The following SEMA5A variants were observed in gnomAD, a reference collection of about 807,000 sequenced individuals.
SEMA5A encodes semaphorin 5A.
In SEMA5A, 55 loss-of-function variants were observed where a neutral mutation model predicts 135.5. That is an observed-to-expected ratio of 0.41 (90% CI 0.33 to 0.51). The LOEUF is 0.51. SEMA5A is among the 20% of genes least tolerant of loss of function. The pLI is 0.37. For synonymous variants in SEMA5A, 580 were observed against 546.5 expected (o/e 1.06, Z -0.85); for missense variants, 1,290 against 1,419.9 (o/e 0.91, Z 1.47).
At chr5:9,391,895 A>T (rs1479219923) in intron 2 of SEMA5A, among the ~76,000 whole-genome samples, 1 of 151,476 alleles carries the variant, frequency 6.6e-6, no homozygotes, top group Non-Finnish European at 1.5e-5. Flanking sequence ...CCACCAACAA[A>T]CCCTCCTCCA....
chr5:9,351,280 G>T (rs1209499011), intron 3 of SEMA5A, among the ~76,000 whole-genome samples: 1 of 152,072 alleles, frequency 6.6e-6, no homozygotes, highest in Non-Finnish European at 1.5e-5. Context: ...TCATGATCCA[G>T]TTCCCTCCAA....
At chr5:9,155,262 T>C (rs1049313709) in intron 11 of SEMA5A, among the ~76,000 whole-genome samples, 1 of 152,154 alleles carries the variant, frequency 6.6e-6, no homozygotes, top group Non-Finnish European at 1.5e-5. Context: ...GATGATTTTC[T>C]TGGGCTCAAC....
chr5:9,127,531 T>C (rs1358821865), intron 13 of SEMA5A, among the ~76,000 whole-genome samples: 1 of 152,236 alleles, frequency 6.6e-6, no homozygotes, highest in Non-Finnish European at 1.5e-5. Context: ...TTTCTCTCTG[T>C]AAGTTCCCAA....
At chr5:9,309,298 G>A (rs1752015279) in intron 5 of SEMA5A, among the ~76,000 whole-genome samples, 1 of 152,118 alleles carries the variant, frequency 6.6e-6, no homozygotes, top group African/African-American at 2.4e-5. Flanking sequence ...TGGCGGGGTG[G>A]GATGAGGGTA....
intron 16 of SEMA5A, among the ~76,000 whole-genome samples, chr5:9,093,523 A>G (rs1172008509): frequency 6.6e-6 from 1 of 151,972 alleles, no homozygotes; most frequent in Non-Finnish European, 1.5e-5. Flanking sequence ...CCTGACGAAT[A>G]TGGTGAAACC....
At chr5:9,443,973 C>T (rs1031127907) in intron 1 of SEMA5A, among the ~76,000 whole-genome samples, 5 of 152,230 alleles carry the variant, frequency 3.3e-5, no homozygotes, top group African/African-American at 4.8e-5. Context: ...CATACCCCAC[C>T]CCTTCTCTCC....
chr5:9,304,162 T>G (rs912487244), intron 5 of SEMA5A, among the ~76,000 whole-genome samples: 2 of 152,170 alleles, frequency 1.3e-5, no homozygotes, highest in African/African-American at 4.8e-5. Flanking sequence ...TGTTTTCTCT[T>G]GTATACCTAT....
At position 9,084,576 on chromosome 5, in the gene SEMA5A, T is replaced by C. The variant is rs146666437; in HGVS notation, c.2074-17930A>G. 8.9e-3 allele frequency among the ~76,000 whole-genome samples: 1,355 copies of C among 152,330 alleles called. 11 individuals carry two copies. The highest frequency in any genetic ancestry group is 0.015 in the Non-Finnish European group (995 of 68,032). ...GCATGAGCCCTCTTCTCTTGTCTCC[T>C]GCCATGTGAGATATGCCTTTCACAT... is the stretch of plus-strand genomic sequence containing the variant. On this transcript the variant is annotated intron_variant, in intron 16 of 22. Coordinates refer to ENST00000382496, the MANE Select transcript of SEMA5A (RefSeq NM_003966.3).
intron 1 of SEMA5A, among the ~76,000 whole-genome samples, chr5:9,535,814 C>A (rs1365332945): frequency 6.6e-6 from 1 of 152,156 alleles, no homozygotes; most frequent in Non-Finnish European, 1.5e-5. Context: ...TACTGCCCTG[C>A]GGCAAGCCAG....
At chr5:9,422,327 G>A (rs1405600643) in intron 2 of SEMA5A, 1 of 152,086 alleles carries the variant, frequency 6.6e-6, no homozygotes, top group Non-Finnish European at 1.5e-5. Flanking sequence ...AGCTATAATT[G>A]TTACTCTCTG....
At chr5:9,482,950 A>C (rs1420738691) in intron 1 of SEMA5A, among the ~76,000 whole-genome samples, 2 of 152,396 alleles carry the variant, frequency 1.3e-5, no homozygotes, top group South Asian at 4.1e-4. Flanking sequence ...TTAGGAATTT[A>C]AAAATTCATG....
At chr5:9,270,691 T>C (rs1471477748) in intron 5 of SEMA5A, among the ~76,000 whole-genome samples, 1 of 151,916 alleles carries the variant, frequency 6.6e-6, no homozygotes, top group Non-Finnish European at 1.5e-5. Context: ...TACTCTGATG[T>C]TGGGGCAGCG....
At chr5:9,493,750 A>G (rs1735156625) in intron 1 of SEMA5A, among the ~76,000 whole-genome samples, 1 of 152,222 alleles carries the variant, frequency 6.6e-6, no homozygotes, top group Non-Finnish European at 1.5e-5. Context: ...GAAAATAAAT[A>G]TGATTTCTTT....
At chr5:9,152,206 C>A (rs180749379) in intron 12 of SEMA5A, among the ~76,000 whole-genome samples, 1 of 152,190 alleles carries the variant, frequency 6.6e-6, no homozygotes, top group African/African-American at 2.4e-5. Flanking sequence ...CACAGGCCTG[C>A]GGCTTCCTGT....
intron 5 of SEMA5A, among the ~76,000 whole-genome samples, chr5:9,276,826 C>T (rs1212167735): frequency 1.3e-5 from 2 of 152,010 alleles, no homozygotes; most frequent in Non-Finnish European, 2.9e-5. Flanking sequence ...ATATATTAAA[C>T]ACTTAAACAT....
chr5:9,417,927 T>G (rs1757334744), intron 2 of SEMA5A, among the ~76,000 whole-genome samples: 1 of 151,702 alleles, frequency 6.6e-6, no homozygotes, highest in Non-Finnish European at 1.5e-5. Flanking sequence ...TCACCTTTTG[T>G]ATCCTCACAT....
intron 1 of SEMA5A, among the ~76,000 whole-genome samples, chr5:9,470,280 T>C (rs1419110276): frequency 6.6e-6 from 1 of 152,216 alleles, no homozygotes; most frequent in Non-Finnish European, 1.5e-5. Flanking sequence ...TAGTGTGTGC[T>C]TCAAACAAAT....
chr5:9,230,572 C>G (rs2150433046), intron 6 of SEMA5A, among the ~76,000 whole-genome samples: 1 of 152,260 alleles, frequency 6.6e-6, no homozygotes, highest in South Asian at 2.1e-4. Flanking sequence ...TGGCGATGAG[C>G]CACATCCCCA....
At chr5:9,211,961 A>G (rs949775491) in intron 8 of SEMA5A, among the ~76,000 whole-genome samples, 3 of 152,218 alleles carry the variant, frequency 2.0e-5, no homozygotes, top group African/African-American at 7.2e-5. Flanking sequence ...ACTGCAGGAC[A>G]CTGTGGAGTT....
Sources: gnomAD v4.1 joint callset for allele counts (sites outside exome capture counted in the v4.1 genomes callset) on GRCh38, gnomAD v4.1.1 for gene constraint, MANE v1.5 for transcripts, NCBI Gene and HGNC (gene_info 2026-07-23, HGNC 2026-07-21) for gene names.